Variants in TSPAN12 observed in about 807,000 individuals in gnomAD.
The protein encoded by TSPAN12 is tetraspanin 12.
In TSPAN12, 19 loss-of-function variants were observed where a neutral mutation model predicts 39.2. The ratio of observed to expected loss-of-function variants is 0.49; its 90% CI spans 0.34 to 0.71. The LOEUF is 0.71. Ranked by LOEUF, TSPAN12 falls within the 30% of genes least tolerant of loss-of-function variation. The pLI, the probability that TSPAN12 is intolerant of heterozygous loss-of-function variation, is 0.01. For synonymous variants in TSPAN12, 119 were observed against 124.8 expected, an observed-to-expected ratio of 0.95 and a Z score of 0.31; for missense variants, 314 against 359.9, an observed-to-expected ratio of 0.87 and a Z score of 1.03.
At chr7:120,836,655 G>A (rs1455655178) in intron 4 of TSPAN12, among the ~76,000 whole-genome samples, 3 of 152,058 alleles carry the variant, frequency 2.0e-5, no homozygotes, top group Non-Finnish European at 4.4e-5. Flanking sequence ...AAAAATTGGT[G>A]GTATACATGA....
At chr7:120,807,653 C>T (rs1584930236) in intron 6 of TSPAN12, among the ~76,000 whole-genome samples, 2 of 152,040 alleles carry the variant, frequency 1.3e-5, no homozygotes, top group African/African-American at 2.4e-5. Flanking sequence ...ATCACAATCC[C>T]CCACCATTTC....
Position 120,806,626 on chromosome 7 carries a change from C to T in TSPAN12, c.535G>A (p.Asp179Asn), listed in dbSNP as rs550290770. 11 of 1,613,612 alleles carry T rather than the reference C, an allele frequency of 6.8e-6. No homozygotes were observed. The South Asian group carries it at 1.1e-4, about 16-fold the overall frequency. Residue 179 changes from aspartate to asparagine, a missense_variant, in exon 7 of 8, where the codon GAT (aspartate) becomes AAT (asparagine). Physicochemically the swap from Asp to Asn is conservative, Grantham distance 23 (BLOSUM62 1). Coordinates refer to ENST00000222747, the MANE Select transcript of TSPAN12 (RefSeq NM_012338.4). ...LEMTEMDWPPDSCCVREFPGC... is the reference protein window; with the variant it reads ...LEMTEMDWPPNSCCVREFPGC... ...GGGAATTCTCTAACACAGCAGGAAT[C>T]TGGGGGCCAGTCCATCTCTGTCATT... is the stretch of plus-strand genomic sequence containing the variant.
At position 120,815,929 on chromosome 7, in the gene TSPAN12, G is replaced by A. The variant is rs1277404996; in HGVS notation, c.286-126C>T. On this transcript the variant is annotated intron_variant, in intron 4 of 7. Coordinates refer to ENST00000222747, the MANE Select transcript of TSPAN12 (RefSeq NM_012338.4). Reference sequence around the variant, plus strand: ...AGGCAAGTTTTCATGAAGCCCCTCAGAAGCAGATGGGGAAATTATCAGCAA... The same window carrying A: ...AGGCAAGTTTTCATGAAGCCCCTCAAAAGCAGATGGGGAAATTATCAGCAA... 4.0e-6 allele frequency: 3 copies of A among 746,362 alleles called. No individual in the cohort carries two copies. The East Asian group carries it at 8.1e-5, about 20-fold the overall frequency. The allele number at this position is 746,362 out of a possible 1,614,324, so 46.2% of individuals were successfully genotyped here.
intron 2 of TSPAN12, among the ~76,000 whole-genome samples, chr7:120,855,675 C>T (rs1028357308): frequency 1.2e-4 from 19 of 152,118 alleles, no homozygotes; most frequent in African/African-American, 4.1e-4. Context: ...AGATTACTCA[C>T]TGAAGTAAGA....
At chr7:120,820,393 T>TA (rs1159915428) in intron 4 of TSPAN12, among the ~76,000 whole-genome samples, 1 of 152,140 alleles carries the variant, frequency 6.6e-6, no homozygotes, top group Non-Finnish European at 1.5e-5. Flanking sequence ...GAAAGCGTTA[T>TA]AAAAAATGCT....
intron 1 of TSPAN12, 88 bp downstream of exon 1, chr7:120,857,732 A>T (rs1794902690): frequency 6.6e-6 from 1 of 151,884 alleles, no homozygotes; most frequent in African/African-American, 2.4e-5. Context: ...GCCAGCCCTT[A>T]AGTAGTTTAG....
chr7:120,795,119 A>G (rs1443125950), intron 7 of TSPAN12, among the ~76,000 whole-genome samples: 2 of 152,242 alleles, frequency 1.3e-5, no homozygotes, highest in Admixed American at 6.5e-5. Flanking sequence ...TCAAAACTGC[A>G]TTTCATTTCA....
chr7:120,831,170 G>C (rs1159197998), intron 4 of TSPAN12, among the ~76,000 whole-genome samples: 1 of 151,820 alleles, frequency 6.6e-6, no homozygotes, highest in African/African-American at 2.4e-5. Flanking sequence ...GGCTGTGGGG[G>C]AAAAAAATCC....
chr7:120,838,807 C>T lies in TSPAN12; in HGVS notation c.255G>A (p.Thr85=), dbSNP rs972570278. 7 of 1,613,722 alleles carry T rather than the reference C, an allele frequency of 4.3e-6. No individual in the cohort carries two copies. The highest frequency in any genetic ancestry group is 2.7e-5 in the African/African-American group (2 of 74,842). ...IIVGMLGYCG[T]VKRNLLLLAW... is the part of the protein sequence containing the mutation. The stretch of plus-strand genomic sequence containing the variant: ...CAAGAAGCAACAGATTTCTTTTCAC[C>T]GTTCCACAATATCCTAACATCCCCA... The change falls in exon 4 of 8, where the codon ACG becomes ACA. Residue 85 remains threonine (T), a synonymous_variant. Coordinates refer to ENST00000222747, the MANE Select transcript of TSPAN12 (RefSeq NM_012338.4).
chr7:120,819,070 G>C (rs1423341570), intron 4 of TSPAN12, among the ~76,000 whole-genome samples: 21 of 152,002 alleles, frequency 1.4e-4, no homozygotes, highest in Admixed American at 1.2e-3. Context: ...TGAGACTCCA[G>C]AGAAAAATTA....
rs1464796381 is a variant in TSPAN12 at position 120,838,837 on chromosome 7, G to A, written c.225C>T (p.Ile75=). Residue 75 remains isoleucine (I), a synonymous_variant, in exon 4 of 8, where the codon ATC becomes ATT. Coordinates refer to ENST00000222747, the MANE Select transcript of TSPAN12 (RefSeq NM_012338.4). ...PVMIAVCCFL[I]IVGMLGYCGT... ...CACAATATCCTAACATCCCCACAAT[G>A]ATAAGGAAACAGCAAACAGCAATCA... 3.7e-6 allele frequency: 6 copies of A among 1,613,918 alleles called. No individual in the cohort carries two copies. The highest frequency in any genetic ancestry group is 1.7e-5 in the Admixed American group (1 of 60,004).
intron 4 of TSPAN12, among the ~76,000 whole-genome samples, chr7:120,825,974 T>C (rs893180999): frequency 9.2e-5 from 14 of 152,168 alleles, no homozygotes; most frequent in Non-Finnish European, 1.8e-4. Context: ...TATAGACCAA[T>C]GGTTAAAGAA....
At chr7:120,817,100 G>A (rs182476368) in intron 4 of TSPAN12, among the ~76,000 whole-genome samples, 5 of 152,192 alleles carry the variant, frequency 3.3e-5, no homozygotes, top group East Asian at 3.9e-4. Flanking sequence ...TTGGCTAAGC[G>A]TGGTGGCTCA....
At chr7:120,832,840 T>G (rs538270022) in intron 4 of TSPAN12, among the ~76,000 whole-genome samples, 44 of 152,264 alleles carry the variant, frequency 2.9e-4, no homozygotes, top group Non-Finnish European at 5.1e-4. Flanking sequence ...AGTAGAAATT[T>G]TAAAGTTCAT....
At chr7:120,807,642 T>C (rs929822866) in intron 6 of TSPAN12, among the ~76,000 whole-genome samples, 4 of 152,084 alleles carry the variant, frequency 2.6e-5, no homozygotes, top group African/African-American at 7.2e-5. Flanking sequence ...CATCATAAAA[T>C]ATCACAATCC....
intron 4 of TSPAN12, among the ~76,000 whole-genome samples, chr7:120,838,273 T>G (rs1794515045): frequency 6.6e-6 from 1 of 152,298 alleles, no homozygotes; most frequent in East Asian, 1.9e-4. Context: ...AAGTACCTAG[T>G]GCAACTCTCA....
In TSPAN12 at chr7:120,795,322, A is replaced by G. The variant is rs1217452169; in HGVS notation, c.613-6425T>C. ...TGGCTAACCTACTTTACTTGCTACA[A>G]TATTAAAATTCTGGTCAACTATTAG... On this transcript the variant is annotated intron_variant, in intron 7 of 7. Transcript: ENST00000222747. Among the ~76,000 whole-genome samples, 4 of 152,238 alleles carry G rather than the reference A, an allele frequency of 2.6e-5. No homozygotes were observed. The South Asian group carries it at 6.2e-4, about 24-fold the overall frequency.
intron 4 of TSPAN12, among the ~76,000 whole-genome samples, chr7:120,820,854 A>T (rs911975215): frequency 1.1e-4 from 16 of 152,082 alleles, no homozygotes; most frequent in Non-Finnish European, 1.2e-4. Context: ...TCTTATTAAC[A>T]TTTGACTCCC....
At chr7:120,792,527 G>A (rs755562313) in intron 7 of TSPAN12, among the ~76,000 whole-genome samples, 13 of 152,020 alleles carry the variant, frequency 8.6e-5, no homozygotes, top group Non-Finnish European at 1.8e-4. Context: ...GCTGTGCATA[G>A]TCCCAGGAAA....
Sources: gnomAD v4.1 joint callset for allele counts (sites outside exome capture counted in the v4.1 genomes callset) on GRCh38, gnomAD v4.1.1 for gene constraint, MANE v1.5 for transcripts, NCBI Gene and HGNC (gene_info 2026-07-23, HGNC 2026-07-21) for gene names.